Variants in GLRA1 observed in about 807,000 individuals in gnomAD.
GLRA1 encodes glycine receptor subunit alpha-1.
In GLRA1, 37 loss-of-function variants were observed where a neutral mutation model predicts 48.3. That is an observed-to-expected ratio of 0.77 (90% CI 0.59 to 1.01). The LOEUF is 1.01. Among genes scored for constraint, GLRA1 ranks in the 50% least tolerant of loss-of-function variants. The pLI is 0.00. For synonymous variants in GLRA1, 196 were observed against 210.7 expected, an observed-to-expected ratio of 0.93 and a Z score of 0.60; for missense variants, 427 against 571.0, an observed-to-expected ratio of 0.75 and a Z score of 2.57.
At position 151,863,406 on chromosome 5, in the gene GLRA1, G is replaced by C. The variant is rs1020641566; in HGVS notation, c.253-3398C>G. ...ACACTGCACTCCAGCCTGGGTGACA[G>C]AGTGAGACCCTGTCACAAACAAATA... On this transcript the variant is annotated intron_variant, in intron 3 of 8. Transcript: ENST00000274576. 3.9e-5 allele frequency among the ~76,000 whole-genome samples: 6 copies of C among 152,286 alleles called. No individual in the cohort carries two copies. In the East Asian group the frequency reaches 1.2e-3, roughly 29 times the overall value.
chr5:151,854,326 T>C (rs1254319007), intron 6 of GLRA1, among the ~76,000 whole-genome samples: 2 of 152,154 alleles, frequency 1.3e-5, no homozygotes, highest in African/African-American at 4.8e-5. Context: ...TCTCTCAATC[T>C]CTCTCTTTCA....
chr5:151,912,133 T>C (rs1754629158), intron 1 of GLRA1, among the ~76,000 whole-genome samples: 1 of 152,146 alleles, frequency 6.6e-6, no homozygotes, highest in Non-Finnish European at 1.5e-5. Context: ...TTACATTTTT[T>C]TCTGGGCCGT....
chr5:151,894,972 G>T (rs116085177), intron 1 of GLRA1, among the ~76,000 whole-genome samples: 1 of 152,212 alleles, frequency 6.6e-6, no homozygotes, highest in Admixed American at 6.5e-5. Flanking sequence ...GATGGACAGG[G>T]TGAGGAACAA....
intron 4 of GLRA1, among the ~76,000 whole-genome samples, chr5:151,858,003 T>C (rs1211905655): frequency 6.6e-6 from 1 of 152,238 alleles, no homozygotes; most frequent in Non-Finnish European, 1.5e-5. Flanking sequence ...CTTTGGATTC[T>C]GAGTCCCATG....
chr5:151,903,842 A>G (rs191860879), intron 1 of GLRA1, among the ~76,000 whole-genome samples: 6 of 152,142 alleles, frequency 3.9e-5, no homozygotes, highest in African/African-American at 1.4e-4. Context: ...TTTCTTTTCT[A>G]TTTTTCAGAT....
intron 7 of GLRA1, chr5:151,850,814 G>A (rs1029302741): frequency 3.3e-5 from 25 of 763,772 alleles, no homozygotes; most frequent in African/African-American, 5.1e-5. Flanking sequence ...ACCTCCAGCC[G>A]TCGAGCCCCT....
intron 7 of GLRA1, among the ~76,000 whole-genome samples, chr5:151,831,646 C>G (rs1039130318): frequency 1.3e-5 from 2 of 152,226 alleles, no homozygotes. Context: ...AGGAGCAGCT[C>G]CAGTCAGGGG....
At chr5:151,856,412 C>G (rs374463144) in intron 4 of GLRA1, 29 bp from the exon 5 acceptor site, 2 of 1,409,734 alleles carry the variant, frequency 1.4e-6, no homozygotes, top group African/African-American at 1.4e-5. Flanking sequence ...TTGAATGATG[C>G]AGGATCTGCA....
intron 3 of GLRA1, among the ~76,000 whole-genome samples, chr5:151,867,883 C>T (rs989126761): frequency 3.3e-4 from 51 of 152,262 alleles, no homozygotes; most frequent in African/African-American, 1.2e-3. Flanking sequence ...CAATTTAGCA[C>T]CATTGAAGAC....
chr5:151,897,255 G>A (rs775401564), intron 1 of GLRA1, among the ~76,000 whole-genome samples: 27 of 152,268 alleles, frequency 1.8e-4, no homozygotes, highest in Non-Finnish European at 3.2e-4. Flanking sequence ...TCTCCACCCT[G>A]GTGAATCTGA....
At chr5:151,846,357 A>G (rs1448091966) in intron 7 of GLRA1, among the ~76,000 whole-genome samples, 1 of 152,186 alleles carries the variant, frequency 6.6e-6, no homozygotes, top group African/African-American at 2.4e-5. Context: ...GGCATCAACT[A>G]TTAATAGTGA....
At chr5:151,884,667 A>G (rs970357465) in intron 3 of GLRA1, among the ~76,000 whole-genome samples, 1 of 152,182 alleles carries the variant, frequency 6.6e-6, no homozygotes, top group Non-Finnish European at 1.5e-5. Context: ...AGGAATCTGT[A>G]TGAAGGAATT....
chr5:151,852,014 A>T (rs1285170734), intron 6 of GLRA1, among the ~76,000 whole-genome samples: 1 of 152,104 alleles, frequency 6.6e-6, no homozygotes, highest in Non-Finnish European at 1.5e-5. Flanking sequence ...CCAAAACATG[A>T]CTTGTTCCTG....
intron 7 of GLRA1, among the ~76,000 whole-genome samples, chr5:151,838,623 A>G (rs1435469906): frequency 6.6e-6 from 1 of 152,234 alleles, no homozygotes; most frequent in Non-Finnish European, 1.5e-5. Context: ...TTTAGATTAT[A>G]TGGTCTGAGG....
intron 3 of GLRA1, among the ~76,000 whole-genome samples, chr5:151,867,482 G>A (rs1036438578): frequency 1.3e-5 from 2 of 152,158 alleles, no homozygotes; most frequent in African/African-American, 4.8e-5. Flanking sequence ...ACAAGCAGAG[G>A]TGTGTAGGCA....
chr5:151,870,673 A>G (rs1025264116), intron 3 of GLRA1, among the ~76,000 whole-genome samples: 1 of 149,760 alleles, frequency 6.7e-6, no homozygotes, highest in Non-Finnish European at 1.5e-5. Flanking sequence ...TTGGTAATCT[A>G]GCATACTGCA....
chr5:151,825,153 A>G (rs73281683), intron 8 of GLRA1, among the ~76,000 whole-genome samples: 2,172 of 152,306 alleles, frequency 0.014, 51 homozygotes, highest in African/African-American at 0.05. Context: ...GAATAGGGCA[A>G]CAGTAGAAGA....
rs1011233224 is a variant in GLRA1, at chr5:151,827,669, T to C, written c.1059+1252A>G. Among the ~76,000 whole-genome samples, 12 of 152,290 alleles carry C rather than the reference T, an allele frequency of 7.9e-5. No homozygotes were observed. The East Asian group carries it at 2.3e-3, about 29-fold the overall frequency. On this transcript the variant is annotated intron_variant, in intron 8 of 8. Coordinates refer to ENST00000274576, the MANE Select transcript of GLRA1 (RefSeq NM_000171.4). ...GGGCAGACAACTATTTTGTTTTGTT[T>C]TATTTTATTTTTGAGCTTTACTGAT...
chr5:151,847,726 A>C (rs889419728), intron 7 of GLRA1, among the ~76,000 whole-genome samples: 1 of 134,030 alleles, frequency 7.5e-6, no homozygotes, highest in African/African-American at 3.2e-5. Flanking sequence ...ACTTCGTCTC[A>C]AAAAAAAAAA....
Sources: gnomAD v4.1 joint callset for allele counts (sites outside exome capture counted in the v4.1 genomes callset) on GRCh38, gnomAD v4.1.1 for gene constraint, MANE v1.5 for transcripts, NCBI Gene and HGNC (gene_info 2026-07-23, HGNC 2026-07-21) for gene names.